The following CATSPERG variants were observed in gnomAD, a reference collection of about 807,000 sequenced individuals.
CATSPERG encodes catsper channel auxiliary subunit gamma.
CATSPERG carries 115 observed loss-of-function variants against 145.0 expected under a neutral mutation model. The observed-to-expected ratio is 0.79, with a 90% confidence interval of 0.68 to 0.93. The LOEUF (loss-of-function observed/expected upper bound fraction) is 0.93. Among genes scored for constraint, CATSPERG ranks in the 40% least tolerant of loss-of-function variants. The pLI is 0.00. For synonymous variants in CATSPERG, 588 were observed against 589.0 expected, an observed-to-expected ratio of 1.00 and a Z score of 0.02; for missense variants, 1,296 against 1,490.1, an observed-to-expected ratio of 0.87 and a Z score of 2.14.
intron 7 of CATSPERG, 84 bp downstream of exon 7, chr19:38,346,689 C>T: frequency 7.8e-7 from 1 of 1,285,570 alleles, no homozygotes; most frequent in Non-Finnish European, 1.1e-6. Flanking sequence ...GGGCCTGGGG[C>T]TCTAGAAGTC....
chr19:38,360,129 G>T, intron 14 of CATSPERG: 4 of 985,388 alleles, frequency 4.1e-6, no homozygotes, highest in Non-Finnish European at 4.8e-6. Flanking sequence ...GGGAAATGGT[G>T]AGACCCTGGA....
Position 38,362,582 on chromosome 19 carries a change from C to G in CATSPERG, c.2356+8C>G. ...GGACGCAGTCAGAACTCGGTCTGCG[C>G]GGGACCAGAGTGGAGCCCGAAGGGC... On this transcript the variant is annotated splice_region_variant and intron_variant, in intron 19 of 28. Transcript: ENST00000409235. 1 of 1,612,586 alleles carries G rather than the reference C, an allele frequency of 6.2e-7. No homozygotes were observed. Among genetic ancestry groups the G allele is most frequent in the Non-Finnish European group, 8.5e-7 (1 of 1,179,456 alleles).
At chr19:38,348,961 A>G (rs1469261903) in intron 7 of CATSPERG, 3 of 152,096 alleles carry the variant, frequency 2.0e-5, no homozygotes, top group African/African-American at 7.2e-5. Flanking sequence ...TCTACTTCCA[A>G]AAAATTTCCA....
chr19:38,356,415 G>A lies in CATSPERG; in HGVS notation c.1136-69G>A, dbSNP rs138803123. 1.4e-3 allele frequency: 1,999 copies of A among 1,449,236 alleles called. 4 individuals carry two copies. Among genetic ancestry groups the A allele is most frequent in the Admixed American group, 2.6e-3 (154 of 58,252 alleles). 89.8% of individuals were successfully genotyped at this position (1,449,236 alleles called of 1,614,324 possible). ...GCTGGTGGGCATAAGGAGGGCAATC[G>A]GAGTTGGCTTGATGGGCTGCCAGAC... On this transcript the variant is annotated intron_variant, in intron 9 of 28. Transcript: ENST00000409235.
intron 20 of CATSPERG, 150 bp from the exon 21 acceptor site, chr19:38,364,741 G>C (rs577242630): frequency 6.0e-6 from 4 of 669,940 alleles, no homozygotes; most frequent in Non-Finnish European, 1.1e-5. Flanking sequence ...CCAACACCCC[G>C]TTAGCCTATT....
Position 38,361,832 on chromosome 19 carries a change from CTG to C in CATSPERG, c.2066_2067del (p.Leu689ProfsTer76). 3 of 1,611,064 alleles carry C rather than the reference CTG, an allele frequency of 1.9e-6. No individual in the cohort carries two copies. The highest frequency in any genetic ancestry group is 2.5e-6 in the Non-Finnish European group (3 of 1,178,812). On this transcript the variant is annotated frameshift_variant, in exon 17 of 29. Coordinates refer to ENST00000409235, the MANE Select transcript of CATSPERG (RefSeq NM_021185.5). LOFTEE classifies it high-confidence loss of function. ...LAIYQGLVYY[L>X]LWLHSVYDKP... The stretch of plus-strand genomic sequence containing the variant: ...CATCTACCAGGGCCTGGTCTACTAC[CTG>C]CTGTGGCTGCACTCCGTGTACGACA...
chr19:38,358,615 T>G lies in CATSPERG; in HGVS notation c.1496+54T>G, dbSNP rs1970289346. ...AGGCATACTCTGTCTCCCCAGCAAC[T>G]TTACGGTGGGGACCCTTTCAAGCCC... On this transcript the variant is annotated intron_variant, in intron 13 of 28. Transcript: ENST00000409235. 2.5e-6 allele frequency: 4 copies of G among 1,607,144 alleles called. No individual in the cohort carries two copies. In the South Asian group the frequency reaches 4.4e-5, roughly 18 times the overall value.
At chr19:38,355,490 A>G (rs1970227898) in intron 9 of CATSPERG, among the ~76,000 whole-genome samples, 1 of 152,106 alleles carries the variant, frequency 6.6e-6, no homozygotes, top group African/African-American at 2.4e-5. Context: ...TGAGGTCAGG[A>G]GTTCGAGACC....
At chr19:38,340,945 A>AG (rs1441970584) in intron 3 of CATSPERG, among the ~76,000 whole-genome samples, 1 of 152,176 alleles carries the variant, frequency 6.6e-6, no homozygotes, top group Non-Finnish European at 1.5e-5. Context: ...CACTCTGGAA[A>AG]GGCTTGAGCA....
intron 14 of CATSPERG, chr19:38,360,103 T>C: frequency 1.0e-6 from 1 of 984,326 alleles, no homozygotes; most frequent in Non-Finnish European, 1.2e-6. Context: ...AGTGCAGAGA[T>C]GGGAAACTGA....
rs375157648 is a variant in CATSPERG at position 38,360,650 on chromosome 19, G to A, written c.1767+3G>A. ...ACGAAGACAGCAAACTGTACCAGGT[G>A]CCCGGTGGAGCTATGCGGGGACATC... On this transcript the variant is annotated splice_donor_region_variant and intron_variant, in intron 15 of 28. Coordinates refer to ENST00000409235, the MANE Select transcript of CATSPERG (RefSeq NM_021185.5). 2.4e-5 allele frequency: 39 copies of A among 1,614,218 alleles called. No individual in the cohort carries two copies. The African/African-American group carries it at 3.9e-4, about 16-fold the overall frequency.
chr19:38,359,968 C>G, intron 14 of CATSPERG: 2 of 1,041,426 alleles, frequency 1.9e-6, no homozygotes, highest in Non-Finnish European at 2.3e-6. Flanking sequence ...TTGTGCATGT[C>G]AGGGAGGGCT....
intron 3 of CATSPERG, chr19:38,337,863 C>T (rs1489540750): frequency 1.2e-5 from 5 of 429,662 alleles, no homozygotes; most frequent in Non-Finnish European, 2.1e-5. Context: ...GAACTACAGG[C>T]ATGTGACACC....
intron 3 of CATSPERG, among the ~76,000 whole-genome samples, chr19:38,338,081 G>C (rs547847092): frequency 1.3e-5 from 2 of 152,098 alleles, no homozygotes; most frequent in South Asian, 4.1e-4. Flanking sequence ...AAGGCTGTCT[G>C]TGTACAGTTC....
chr19:38,335,938 G>A, intron 1 of CATSPERG, 63 bp downstream of exon 1: 1 of 267,840 alleles, frequency 3.7e-6, no homozygotes, highest in East Asian at 1.4e-4. Context: ...GGGACGGGGA[G>A]GAACTAGGAA....
chr19:38,362,886 T>TG (rs1343356426), intron 20 of CATSPERG, 54 bp downstream of exon 20: 100 of 1,287,496 alleles, frequency 7.8e-5, no homozygotes, highest in Non-Finnish European at 1.0e-4. Flanking sequence ...TTTTTTTTTT[T>TG]TTTTTTTTTG....
intron 7 of CATSPERG, among the ~76,000 whole-genome samples, chr19:38,350,827 A>G (rs193097675): frequency 6.6e-6 from 1 of 152,228 alleles, no homozygotes; most frequent in East Asian, 1.9e-4. Context: ...CGTCTCTACT[A>G]AAAATACAAA....
intron 3 of CATSPERG, among the ~76,000 whole-genome samples, chr19:38,338,967 G>A (rs1458741989): frequency 1.3e-5 from 2 of 152,042 alleles, no homozygotes; most frequent in Non-Finnish European, 2.9e-5. Context: ...GGGTGGCGAC[G>A]AAGTCCGGCG....
At chr19:38,348,169 T>A (rs919865022) in intron 7 of CATSPERG, among the ~76,000 whole-genome samples, 3 of 152,148 alleles carry the variant, frequency 2.0e-5, no homozygotes, top group African/African-American at 7.2e-5. Flanking sequence ...ACCAACTTTT[T>A]TTTTTAAGAG....
Sources: allele counts gnomAD v4.1 joint callset (sites outside exome capture counted in the v4.1 genomes callset), GRCh38; gene constraint gnomAD v4.1.1; transcripts MANE v1.5; gene names NCBI Gene and HGNC (gene_info 2026-07-23, HGNC 2026-07-21).